The following CLASRP variants were observed in gnomAD, a reference collection of about 807,000 sequenced individuals.
CLASRP encodes CLK4 associating serine/arginine rich protein.
A neutral mutation model predicts 99.9 loss-of-function variants in CLASRP; 52 were observed. The observed-to-expected ratio is 0.52, with a 90% CI of 0.42 to 0.66. CLASRP has a LOEUF of 0.66. CLASRP is among the 30% of genes least tolerant of loss of function. The probability of loss-of-function intolerance (pLI) is 0.00; values close to 1 mark genes in which losing one functional copy is unlikely to be tolerated. For missense variants in CLASRP, 848 were observed against 999.2 expected (o/e 0.85, Z 2.04); for synonymous variants, 379 against 373.0 (o/e 1.02, Z -0.18).
At chr19:45,047,213 T>C (rs1971935160) in intron 2 of CLASRP, among the ~76,000 whole-genome samples, 2 of 152,194 alleles carry the variant, frequency 1.3e-5, no homozygotes, top group Admixed American at 6.6e-5. Context: ...AGAAATCCTG[T>C]CCTATGCTAC....
intron 5 of CLASRP, among the ~76,000 whole-genome samples, chr19:45,054,684 C>A (rs1425014640): frequency 6.6e-6 from 1 of 152,168 alleles, no homozygotes; most frequent in African/African-American, 2.4e-5. Flanking sequence ...ACTTGAGATT[C>A]CCTTTCTTGG....
At chr19:45,062,255 G>T in intron 11 of CLASRP, 60 bp downstream of exon 11, 1 of 958,162 alleles carries the variant, frequency 1.0e-6, no homozygotes, top group Non-Finnish European at 1.7e-6. Context: ...GGGGACAGGG[G>T]TGCTGAGGAG....
Position 45,064,289 on chromosome 19 carries a change from A to G in CLASRP, c.1122-54A>G, listed in dbSNP as rs563580056. On this transcript the variant is annotated intron_variant, in intron 12 of 20. Coordinates refer to ENST00000221455, the MANE Select transcript of CLASRP (RefSeq NM_007056.3). ...TCACCATGGGGGGTACCCGGGGCAG[A>G]GGGGGGCCGCGGCTCAGGCCTGCGC... 4.6e-6 allele frequency: 7 copies of G among 1,512,562 alleles called. No individual in the cohort carries two copies. The African/African-American group carries it at 9.7e-5, about 21-fold the overall frequency. The allele number at this position is 1,512,562 out of a possible 1,614,324, so 93.7% of individuals were successfully genotyped here. A position where few individuals can be genotyped will look rare whatever the true frequency, so the allele number is the denominator to read the frequency against.
intron 2 of CLASRP, 102 bp downstream of exon 2, chr19:45,040,413 G>A: frequency 9.4e-6 from 7 of 741,436 alleles, no homozygotes; most frequent in Admixed American, 6.8e-5. Flanking sequence ...AAGACAAGAG[G>A]CTCATTTCCT....
chr19:45,042,719 T>C, intron 2 of CLASRP, among the ~76,000 whole-genome samples: 1 of 151,964 alleles, frequency 6.6e-6, no homozygotes, highest in Non-Finnish European at 1.5e-5. Context: ...TTCAAGCTAT[T>C]CTCCTGCCTC....
At chr19:45,062,077 T>G in intron 10 of CLASRP, 77 bp from the exon 11 acceptor site, 1 of 897,044 alleles carries the variant, frequency 1.1e-6, no homozygotes, top group Non-Finnish European at 1.9e-6. Context: ...GGTCCTCAGG[T>G]TGGCGGGCTT....
At position 45,042,444 on chromosome 19, in the gene CLASRP, G is replaced by A. The variant is rs750118601; in HGVS notation, c.99+2133G>A. On this transcript the variant is annotated intron_variant, in intron 2 of 20. Coordinates refer to ENST00000221455, the MANE Select transcript of CLASRP (RefSeq NM_007056.3). ...TGAGGCAGGAGAATTGCTTGAACCC[G>A]GGAGGCATAGGTTGCATTGCTCTCC... is the stretch of plus-strand genomic sequence containing the variant. 1.4e-4 allele frequency among the ~76,000 whole-genome samples: 21 copies of A among 151,756 alleles called. 1 individual carries two copies. Among genetic ancestry groups the A allele is most frequent in the Middle Eastern group, 6.8e-3 (2 of 292 alleles).
rs1966887557 is a variant in CLASRP at position 45,059,306 on chromosome 19, G to A, written c.652G>A (p.Val218Met). 2.5e-6 allele frequency: 4 copies of A among 1,609,864 alleles called. No homozygotes were observed. The highest frequency in any genetic ancestry group is 3.4e-6 in the Non-Finnish European group (4 of 1,178,124). Reference sequence around the variant, plus strand: ...CGTGGATGAATTGAACCAGGAGCAGGTGGCAGATCTCAACAAACAGGCCAC... The same window carrying A: ...CGTGGATGAATTGAACCAGGAGCAGATGGCAGATCTCAACAAACAGGCCAC... Reference protein sequence around the residue: ...VDVDELNQEQVADLNKQATTY... With the variant: ...VDVDELNQEQMADLNKQATTY... The change falls in exon 8 of 21, where the codon GTG becomes ATG. Residue 218 changes from valine (V) to methionine (M), a missense_variant. This residue lies in a region of CLASRP where 119 missense variants were observed against 170.2 expected (regional missense o/e 0.70). Transcript: ENST00000221455.
chr19:45,050,085 G>C (rs934494046), intron 2 of CLASRP, among the ~76,000 whole-genome samples: 1 of 152,042 alleles, frequency 6.6e-6, no homozygotes, highest in African/African-American at 2.4e-5. Context: ...CACGGGGCAT[G>C]TCTGGAATGC....
Position 45,060,232 on chromosome 19 carries a change from C to T in CLASRP, c.711-157C>T, listed in dbSNP as rs556615519. ...TCTTGATACCTAAGATAGCACCTGG[C>T]ACACAGAGGGTGCTTGATAAGTGGC... On this transcript the variant is annotated intron_variant, in intron 8 of 20. Coordinates refer to ENST00000221455, the MANE Select transcript of CLASRP (RefSeq NM_007056.3). The surrounding 1 kb of genome is among the most constrained non-coding windows in gnomAD (Gnocchi z 4.6). Among the ~76,000 whole-genome samples the T allele has an allele frequency of 1.8e-4, 28 of 152,146 alleles. No individual in the cohort carries two copies. The highest frequency in any genetic ancestry group is 7.2e-4 in the Admixed American group (11 of 15,276).
chr19:45,059,317 C>T lies in CLASRP; in HGVS notation c.663C>T (p.Leu221=), dbSNP rs754584233. The change falls in exon 8 of 21, where the codon CTC becomes CTT. Residue 221 remains leucine, a synonymous_variant. Coordinates refer to ENST00000221455, the MANE Select transcript of CLASRP (RefSeq NM_007056.3). ...DELNQEQVAD[L]NKQATTYGMA... is the part of the protein sequence containing the mutation. ...TGAACCAGGAGCAGGTGGCAGATCT[C>T]AACAAACAGGCCACGACTTATGGCA... 1.2e-6 allele frequency: 2 copies of T among 1,607,996 alleles called. No homozygotes were observed. The highest frequency in any genetic ancestry group is 2.2e-5 in the East Asian group (1 of 44,762).
chr19:45,043,343 CAG>C (rs1254656617), intron 2 of CLASRP, among the ~76,000 whole-genome samples: 3 of 132,882 alleles, frequency 2.3e-5, no homozygotes, highest in Non-Finnish European at 4.6e-5. Context: ...ACCCGGGAGA[CAG>C]AGCTTGCAGT....
At chr19:45,069,459 G>A (rs1229561693) in intron 18 of CLASRP, among the ~76,000 whole-genome samples, 7 of 151,954 alleles carry the variant, frequency 4.6e-5, no homozygotes, top group Admixed American at 1.3e-4. Context: ...CCGCCACCGC[G>A]ACCTCCTCCC....
At position 45,057,764 on chromosome 19, in the gene CLASRP, A is replaced by C; in HGVS notation, c.479A>C (p.Lys160Thr). The C allele has an allele frequency of 6.2e-7, 1 of 1,613,990 alleles. No individual in the cohort carries two copies. Among genetic ancestry groups the C allele is most frequent in the Non-Finnish European group, 8.5e-7 (1 of 1,179,908 alleles). ...EDEKKKLAEK[K>T]ASIGYTYEDS... ...CCCTTTCTCAGGCTGGCAGAGAAGA[A>C]GGCTTCCATCGGTTATACCTACGAG... is the stretch of plus-strand genomic sequence containing the variant. The change falls in exon 7 of 21, where the codon AAG (lysine) becomes ACG (threonine). Residue 160 changes from lysine to threonine, a missense_variant. By Grantham distance (78) the Lys-to-Thr change is moderately conservative. Coordinates refer to ENST00000221455, the MANE Select transcript of CLASRP (RefSeq NM_007056.3).
intron 15 of CLASRP, 56 bp from the exon 16 acceptor site, chr19:45,068,364 T>C: frequency 3.7e-6 from 2 of 534,216 alleles, no homozygotes. Flanking sequence ...CTGAGGTGGG[T>C]TGTGGGAGCT....
chr19:45,044,321 G>T (rs1012721539), intron 2 of CLASRP, among the ~76,000 whole-genome samples: 2 of 152,256 alleles, frequency 1.3e-5, no homozygotes, highest in Non-Finnish European at 2.9e-5. Flanking sequence ...AGCTAACGCT[G>T]TTGGGCAGTT....
intron 3 of CLASRP, among the ~76,000 whole-genome samples, chr19:45,052,548 TG>T: frequency 6.6e-6 from 1 of 152,136 alleles, no homozygotes; most frequent in East Asian, 1.9e-4. Context: ...AATGGGGCCC[TG>T]GTGTCCCCAG....
chr19:45,041,186 C>T (rs796731457), intron 2 of CLASRP, among the ~76,000 whole-genome samples: 1 of 146,638 alleles, frequency 6.8e-6, no homozygotes, highest in African/African-American at 2.6e-5. Flanking sequence ...GCTGAGATAG[C>T]ACCATTGCAC....
At chr19:45,063,553 C>A (rs1247966067) in intron 11 of CLASRP, among the ~76,000 whole-genome samples, 1 of 146,166 alleles carries the variant, frequency 6.8e-6, no homozygotes, top group Non-Finnish European at 1.5e-5. Context: ...TCAAGCAGTT[C>A]TCGTGCCCTC....
Sources: allele counts gnomAD v4.1 joint callset (sites outside exome capture counted in the v4.1 genomes callset), GRCh38; gene constraint gnomAD v4.1.1; regional missense constraint gnomAD v4.1.1; non-coding constraint Gnocchi (gnomAD v3.1); transcripts MANE v1.5; gene names NCBI Gene and HGNC (gene_info 2026-07-23, HGNC 2026-07-21).